The following SLC22A23 variants were observed in gnomAD, a reference collection of about 807,000 sequenced individuals.
SLC22A23 encodes solute carrier family 22 member 23, also known as ion transporter protein.
A neutral mutation model predicts 61.0 loss-of-function variants in SLC22A23; 26 were observed. The observed-to-expected ratio is 0.43, with a 90% CI of 0.31 to 0.59. The LOEUF is 0.59. Ranked by LOEUF, SLC22A23 falls within the 20% of genes least tolerant of loss-of-function variation. The pLI is 0.11. For synonymous variants in SLC22A23, 430 were observed against 413.9 expected (o/e 1.04, Z -0.47); for missense variants, 796 against 934.7 (o/e 0.85, Z 1.94).
chr6:3,433,417 C>A (rs559428095), intron 1 of SLC22A23, among the ~76,000 whole-genome samples: 2 of 152,284 alleles, frequency 1.3e-5, no homozygotes, highest in South Asian at 2.1e-4. Context: ...CAAATGGTAA[C>A]CCCCTCCCCA....
chr6:3,408,382 C>T (rs1464905819), intron 3 of SLC22A23, among the ~76,000 whole-genome samples: 2 of 152,218 alleles, frequency 1.3e-5, no homozygotes, highest in East Asian at 3.8e-4. Context: ...CATGATGTCA[C>T]AGTGCAAGTC....
chr6:3,282,211 A>T, intron 9 of SLC22A23: 1 of 702,574 alleles, frequency 1.4e-6, no homozygotes, highest in Non-Finnish European at 2.6e-6. Flanking sequence ...GATAAAGGAG[A>T]GAAATTTCAC....
intron 3 of SLC22A23, among the ~76,000 whole-genome samples, chr6:3,345,669 T>C (rs1182648750): frequency 6.6e-6 from 1 of 152,080 alleles, no homozygotes; most frequent in Non-Finnish European, 1.5e-5. Flanking sequence ...CCCACCCTAG[T>C]AGTTTATATT....
intron 9 of SLC22A23, among the ~76,000 whole-genome samples, chr6:3,278,532 G>T (rs887503388): frequency 6.6e-6 from 1 of 152,218 alleles, no homozygotes; most frequent in African/African-American, 2.4e-5. Flanking sequence ...TCAAGGGCAA[G>T]AATTATTTTC....
chr6:3,362,443 T>TAAAAAAAAAAAAAAA (rs1765538891), intron 3 of SLC22A23, among the ~76,000 whole-genome samples: 1 of 110,682 alleles, frequency 9.0e-6, no homozygotes, highest in Non-Finnish European at 1.9e-5. Context: ...AAATAAAAAT[T>TAAAAAAAAAAAAAAA]AGCATGCATT....
At chr6:3,447,276 C>T (rs1204092165) in intron 1 of SLC22A23, among the ~76,000 whole-genome samples, 1 of 152,142 alleles carries the variant, frequency 6.6e-6, no homozygotes, top group Non-Finnish European at 1.5e-5. Context: ...CTCTCTCTAC[C>T]TCCTACTCAA....
In SLC22A23 at chr6:3,317,215, T is replaced by A. The variant is rs1216704172; in HGVS notation, c.1082+6619A>T. Reference sequence around the variant, plus strand: ...TTCCATGCTGCGGTTTTCTAGGATGTTCTAACGTAACGTAGACCTGGACCT... The same window carrying A: ...TTCCATGCTGCGGTTTTCTAGGATGATCTAACGTAACGTAGACCTGGACCT... On this transcript the variant is annotated intron_variant, in intron 4 of 9. Transcript: ENST00000406686. The surrounding 1 kb of genome is among the most constrained non-coding windows in gnomAD (Gnocchi z 4.4). 6.6e-6 allele frequency among the ~76,000 whole-genome samples: 1 copy of A among 152,218 alleles called. No homozygotes were observed. Among genetic ancestry groups the A allele is most frequent in the Non-Finnish European group, 1.5e-5 (1 of 68,040 alleles).
rs187650857 is a variant in SLC22A23 at position 3,383,574 on chromosome 6, G to A, written c.913+26614C>T. Reference sequence around the variant, plus strand: ...ACAGTGGAGAGTGCTACAGGCACACGGAGGAGGGGCCTCTGACTCTGATGT... The same window carrying A: ...ACAGTGGAGAGTGCTACAGGCACACAGAGGAGGGGCCTCTGACTCTGATGT... On this transcript the variant is annotated intron_variant, in intron 3 of 9. Coordinates refer to ENST00000406686, the MANE Select transcript of SLC22A23 (RefSeq NM_015482.2). 7.2e-5 allele frequency among the ~76,000 whole-genome samples: 11 copies of A among 152,358 alleles called. No individual in the cohort carries two copies. In the East Asian group the frequency reaches 7.7e-4, roughly 11 times the overall value.
chr6:3,353,578 G>A (rs1048688368), intron 3 of SLC22A23, among the ~76,000 whole-genome samples: 4 of 152,136 alleles, frequency 2.6e-5, no homozygotes, highest in Admixed American at 2.0e-4. Flanking sequence ...CAGTTCAGCT[G>A]CAAATCACAA....
At chr6:3,293,743 C>A (rs897179752) in intron 5 of SLC22A23, among the ~76,000 whole-genome samples, 2 of 152,170 alleles carry the variant, frequency 1.3e-5, no homozygotes. Context: ...AGGTACCTAG[C>A]GTGGAACGTG....
chr6:3,278,530 A>C (rs1561858456), intron 9 of SLC22A23, among the ~76,000 whole-genome samples: 1 of 152,242 alleles, frequency 6.6e-6, no homozygotes. Flanking sequence ...CTTCAAGGGC[A>C]AGAATTATTT....
intron 4 of SLC22A23, among the ~76,000 whole-genome samples, chr6:3,301,947 C>T (rs1761642464): frequency 6.6e-6 from 1 of 152,174 alleles, no homozygotes; most frequent in Non-Finnish European, 1.5e-5. Flanking sequence ...AAGATAAAGC[C>T]CTTGTAAAAC....
chr6:3,340,309 G>A (rs1255992345), intron 3 of SLC22A23, among the ~76,000 whole-genome samples: 1 of 152,198 alleles, frequency 6.6e-6, no homozygotes, highest in Non-Finnish European at 1.5e-5. Context: ...CAAAGAAAGT[G>A]ATGATATAAG....
chr6:3,313,627 A>G (rs566043715), intron 4 of SLC22A23: 1 of 152,332 alleles, frequency 6.6e-6, no homozygotes, highest in East Asian at 1.9e-4. Flanking sequence ...CCCTTTTGGA[A>G]TAAAACTGGT....
chr6:3,323,317 A>C (rs981620179), intron 4 of SLC22A23: 12 of 456,470 alleles, frequency 2.6e-5, no homozygotes, highest in Non-Finnish European at 5.3e-5. Context: ...CACAGGTAAT[A>C]CCTATGTAAA....
chr6:3,395,361 A>G (rs1212294160), intron 3 of SLC22A23, among the ~76,000 whole-genome samples: 1 of 152,174 alleles, frequency 6.6e-6, no homozygotes, highest in East Asian at 1.9e-4. Flanking sequence ...GCGTACGGCA[A>G]ACCCTACTGA....
At chr6:3,450,019 AAC>A (rs1175076729) in intron 1 of SLC22A23, among the ~76,000 whole-genome samples, 1 of 152,220 alleles carries the variant, frequency 6.6e-6, no homozygotes, top group Non-Finnish European at 1.5e-5. Context: ...TAAGTGAAAA[AAC>A]AGTGTTTCGG....
intron 3 of SLC22A23, among the ~76,000 whole-genome samples, chr6:3,388,539 A>T (rs1023305058): frequency 2.6e-5 from 4 of 152,238 alleles, no homozygotes; most frequent in Non-Finnish European, 4.4e-5. Context: ...CATATGACCC[A>T]GCCATCCCAC....
chr6:3,307,389 T>TCAGAAGG (rs1762054919), intron 4 of SLC22A23, among the ~76,000 whole-genome samples: 3 of 152,176 alleles, frequency 2.0e-5, no homozygotes, highest in African/African-American at 7.2e-5. Flanking sequence ...TTCAGGATGG[T>TCAGAAGG]TAGAAGGTCC....
Sources: allele counts gnomAD v4.1 joint callset (sites outside exome capture counted in the v4.1 genomes callset), GRCh38; gene constraint gnomAD v4.1.1; non-coding constraint Gnocchi (gnomAD v3.1); transcripts MANE v1.5; gene names NCBI Gene and HGNC (gene_info 2026-07-23, HGNC 2026-07-21).